The following GLG1 variants were observed in gnomAD, a reference collection of about 807,000 sequenced individuals.
The protein encoded by GLG1 is Golgi apparatus protein 1.
A neutral mutation model predicts 160.5 loss-of-function variants in GLG1; 38 were observed. The observed-to-expected ratio is 0.24, with a 90% CI of 0.18 to 0.31. The LOEUF (loss-of-function observed/expected upper bound fraction) is 0.31, where lower values mean the gene tolerates loss of function less well. Ranked by LOEUF, GLG1 falls within the 10% of genes least tolerant of loss-of-function variation. GLG1 has a pLI of 1.00. For missense variants in GLG1, 1,373 were observed against 1,505.2 expected (o/e 0.91, Z 1.45); for synonymous variants, 644 against 543.4 (o/e 1.19, Z -2.57).
At chr16:74,567,233 G>C (rs1424163550) in intron 1 of GLG1, among the ~76,000 whole-genome samples, 2 of 151,870 alleles carry the variant, frequency 1.3e-5, no homozygotes, top group East Asian at 3.9e-4. Context: ...GAGAGAGACA[G>C]ACAGAGAGAG....
chr16:74,486,698 A>G (rs1487734496), intron 8 of GLG1, among the ~76,000 whole-genome samples: 2 of 152,324 alleles, frequency 1.3e-5, no homozygotes, highest in East Asian at 1.9e-4. Context: ...ATTAAAATCA[A>G]AAGAACTGAG....
chr16:74,459,644 A>G lies in GLG1; in HGVS notation c.3144+38T>C, dbSNP rs748177485. The G allele has an allele frequency of 1.5e-5, 16 of 1,070,340 alleles. No individual in the cohort carries two copies. In the African/African-American group the frequency reaches 2.4e-4, roughly 16 times the overall value. The allele number at this position is 1,070,340 out of a possible 1,614,324, so 66.3% of individuals were successfully genotyped here. A position where few individuals can be genotyped will look rare whatever the true frequency, so the allele number is the denominator to read the frequency against. On this transcript the variant is annotated intron_variant, in intron 23 of 25. Coordinates refer to ENST00000422840, the MANE Select transcript of GLG1 (RefSeq NM_001145667.2). ...AAAAGGAAGAAGAGAAAAAAAAAAAAAGAAATGAAGTGAGGAAAAGAAGGT... is the reference window on the plus strand; with the variant it reads ...AAAAGGAAGAAGAGAAAAAAAAAAAGAGAAATGAAGTGAGGAAAAGAAGGT...
chr16:74,476,567 T>G (rs2015396485), intron 12 of GLG1, among the ~76,000 whole-genome samples: 2 of 152,194 alleles, frequency 1.3e-5, no homozygotes, highest in African/African-American at 4.8e-5. Context: ...CACTCCTTAT[T>G]TATGTGGCTT....
rs548316986 is a variant in GLG1 at position 74,564,713 on chromosome 16, T to C, written c.439-32560A>G. ...GTTAAACAAAATTGTGAGAGCCCACTGTTTTGGATTAAGCTTATTCACTAG... is the reference window on the plus strand; with the variant it reads ...GTTAAACAAAATTGTGAGAGCCCACCGTTTTGGATTAAGCTTATTCACTAG... On this transcript the variant is annotated intron_variant, in intron 1 of 25. Coordinates refer to ENST00000422840, the MANE Select transcript of GLG1 (RefSeq NM_001145667.2). 3.3e-5 allele frequency among the ~76,000 whole-genome samples: 5 copies of C among 152,362 alleles called. No individual in the cohort carries two copies. In the East Asian group the frequency reaches 9.6e-4, roughly 29 times the overall value.
At chr16:74,465,074 G>C (rs547102727) in intron 19 of GLG1, among the ~76,000 whole-genome samples, 1 of 152,144 alleles carries the variant, frequency 6.6e-6, no homozygotes, top group African/African-American at 2.4e-5. Context: ...CCTGACCTCA[G>C]GTGATCCTCC....
Position 74,491,020 on chromosome 16 carries a change from C to A in GLG1, c.1430G>T (p.Gly477Val). 6.2e-7 allele frequency: 1 copy of A among 1,613,822 alleles called. No homozygotes were observed. The highest frequency in any genetic ancestry group is 8.5e-7 in the Non-Finnish European group (1 of 1,179,676). Reference sequence around the variant, plus strand: ...CCTTACCGCCTGCTGGCAGTTCATTCCAAGGTTCCCCTTCTCCCCTCGAAC... The same window carrying A: ...CCTTACCGCCTGCTGGCAGTTCATTACAAGGTTCCCCTTCTCCCCTCGAAC... ...KVVRGEKGNL[G>V]MNCQQALQTL... Residue 477 changes from glycine (G) to valine (V), a missense_variant, in exon 8 of 26, where the codon GGA becomes GTA. Coordinates refer to ENST00000422840, the MANE Select transcript of GLG1 (RefSeq NM_001145667.2).
chr16:74,507,730 C>T (rs2016663692), intron 3 of GLG1, among the ~76,000 whole-genome samples: 1 of 150,680 alleles, frequency 6.6e-6, no homozygotes, highest in African/African-American at 2.4e-5. Flanking sequence ...AGCAAGACTC[C>T]ATCTCAAAAA....
chr16:74,537,558 T>C (rs1177819150), intron 1 of GLG1, among the ~76,000 whole-genome samples: 2 of 140,080 alleles, frequency 1.4e-5, no homozygotes, highest in African/African-American at 2.7e-5. Context: ...AACGCAAGCA[T>C]TTGTGTGTAT....
chr16:74,603,073 G>C lies in GLG1; in HGVS notation c.438+3584C>G, dbSNP rs146554809. ...CCACTGCACTCCAGCCTGAGCAACA[G>C]GGCAAGACTTCGTCTCAAACAACAA... On this transcript the variant is annotated intron_variant, in intron 1 of 25. Transcript: ENST00000422840. 2.6e-3 allele frequency among the ~76,000 whole-genome samples: 390 copies of C among 150,342 alleles called. 4 individuals carry two copies. The highest frequency in any genetic ancestry group is 9.0e-3 in the African/African-American group (368 of 40,850).
chr16:74,512,273 T>C (rs1473437311), intron 2 of GLG1, among the ~76,000 whole-genome samples: 3 of 135,130 alleles, frequency 2.2e-5, no homozygotes, highest in East Asian at 4.3e-4. Context: ...GAATCCATAT[T>C]AAAAAAAAAA....
intron 1 of GLG1, among the ~76,000 whole-genome samples, chr16:74,567,964 G>A (rs2018707473): frequency 6.6e-6 from 1 of 152,146 alleles, no homozygotes; most frequent in South Asian, 2.1e-4. Context: ...CTCCAGGTCG[G>A]GCCTCATTCC....
intron 9 of GLG1, among the ~76,000 whole-genome samples, chr16:74,485,576 C>T (rs750632297): frequency 3.9e-5 from 6 of 152,134 alleles, no homozygotes; most frequent in Non-Finnish European, 7.4e-5. Context: ...TCCGTAAACA[C>T]CATCACAATA....
At chr16:74,498,808 T>G (rs959412955) in intron 4 of GLG1, among the ~76,000 whole-genome samples, 7 of 127,244 alleles carry the variant, frequency 5.5e-5, no homozygotes, top group Non-Finnish European at 9.3e-5. Context: ...GAGGTTGCAG[T>G]GAGCTGAGTT....
intron 1 of GLG1, among the ~76,000 whole-genome samples, chr16:74,554,246 G>T (rs941683425): frequency 6.6e-6 from 1 of 152,160 alleles, no homozygotes; most frequent in African/African-American, 2.4e-5. Context: ...CAATAAATGG[G>T]AGGAGAGCCA....
At chr16:74,578,202 T>G (rs1193769858) in intron 1 of GLG1, among the ~76,000 whole-genome samples, 4 of 152,190 alleles carry the variant, frequency 2.6e-5, no homozygotes, top group Non-Finnish European at 4.4e-5. Flanking sequence ...GACTCATGAC[T>G]GATGAATAAG....
At position 74,459,745 on chromosome 16, in the gene GLG1, T is replaced by C. The variant is rs771277711; in HGVS notation, c.3081A>G (p.Thr1027=). 6.8e-6 allele frequency: 11 copies of C among 1,611,062 alleles called. No homozygotes were observed. The highest frequency in any genetic ancestry group is 1.6e-4 in the Middle Eastern group (1 of 6,072). ...CAEEAAAQEQ[T]GQVEECLKVN... ...CCTTGAGGCACTCCTCCACCTGACC[T>C]GTCTGCTCTTGGGCTGCTGCTTCTT... is the stretch of plus-strand genomic sequence containing the variant. The change falls in exon 23 of 26, where the codon ACA becomes ACG. Residue 1027 remains threonine, a synonymous_variant. Transcript: ENST00000422840.
intron 1 of GLG1, among the ~76,000 whole-genome samples, chr16:74,598,424 G>A (rs1479369879): frequency 2.6e-5 from 4 of 151,522 alleles, no homozygotes; most frequent in Non-Finnish European, 4.4e-5. Context: ...GGGAGGCTGA[G>A]GAAGGAGAAT....
intron 1 of GLG1, among the ~76,000 whole-genome samples, chr16:74,579,501 C>T (rs929639473): frequency 3.3e-5 from 5 of 151,530 alleles, no homozygotes; most frequent in African/African-American, 1.2e-4. Flanking sequence ...GTGGGTGGAT[C>T]ACCTGAGGTC....
At chr16:74,555,824 T>C (rs1208857428) in intron 1 of GLG1, among the ~76,000 whole-genome samples, 1 of 151,260 alleles carries the variant, frequency 6.6e-6, no homozygotes, top group Non-Finnish European at 1.5e-5. Context: ...CTGGTGATAA[T>C]TCATCTTTTT....
Sources: allele counts gnomAD v4.1 joint callset (sites outside exome capture counted in the v4.1 genomes callset), GRCh38; gene constraint gnomAD v4.1.1; transcripts MANE v1.5; gene names NCBI Gene and HGNC (gene_info 2026-07-23, HGNC 2026-07-21).